JAK2: variants seen among roughly 807,000 people sequenced by gnomAD.
JAK2 encodes the protein Janus kinase 2.
In JAK2, 86 loss-of-function variants were observed where a neutral mutation model predicts 139.3. The ratio of observed to expected loss-of-function variants is 0.62; its 90% CI spans 0.52 to 0.74. The LOEUF (loss-of-function observed/expected upper bound fraction) is 0.74. Among genes scored for constraint, JAK2 ranks in the 30% least tolerant of loss-of-function variants. JAK2 has a pLI of 0.00. For missense variants in JAK2, 1,421 were observed against 1,360.3 expected (o/e 1.04, Z -0.70); for synonymous variants, 490 against 437.7 (o/e 1.12, Z -1.49).
intron 22 of JAK2, among the ~76,000 whole-genome samples, chr9:5,095,645 TTA>T (rs1820930455): frequency 6.6e-6 from 1 of 152,104 alleles, no homozygotes; most frequent in Non-Finnish European, 1.5e-5. Context: ...CCTATCTCAA[TTA>T]TATTTCAAAT....
chr9:5,015,998 G>T (rs1822033371), intron 2 of JAK2, among the ~76,000 whole-genome samples: 1 of 152,200 alleles, frequency 6.6e-6, no homozygotes. Context: ...TATGCTTGCT[G>T]GGTTTCCTGT....
At chr9:5,021,169 C>T (rs928547071) in intron 2 of JAK2, among the ~76,000 whole-genome samples, 4 of 152,064 alleles carry the variant, frequency 2.6e-5, no homozygotes, top group Non-Finnish European at 5.9e-5. Flanking sequence ...GCAGGCTGCC[C>T]CACTTCCCTC....
At chr9:5,112,064 C>T (rs367618490) in intron 22 of JAK2, 36 of 400,816 alleles carry the variant, frequency 9.0e-5, no homozygotes, top group East Asian at 7.6e-4. Flanking sequence ...GGGGTCTCCA[C>T]GGCCTGGAGA....
chr9:5,024,427 T>A (rs10974921), intron 3 of JAK2, among the ~76,000 whole-genome samples: 32,278 of 151,896 alleles, frequency 0.21, 4,334 homozygotes, highest in South Asian at 0.31. Flanking sequence ...GTGTTGGGGC[T>A]CTCATTCAGT....
At chr9:5,003,627 A>G (rs1275640264) in intron 2 of JAK2, among the ~76,000 whole-genome samples, 2 of 152,086 alleles carry the variant, frequency 1.3e-5, no homozygotes, top group East Asian at 3.8e-4. Context: ...AATTTCCTAC[A>G]TATACAGACA....
In JAK2 at chr9:4,999,765, T is replaced by A. The variant is rs1192148460; in HGVS notation, c.-26+13743T>A. On this transcript the variant is annotated intron_variant, in intron 2 of 24. Coordinates refer to ENST00000381652, the MANE Select transcript of JAK2 (RefSeq NM_004972.4). ...TGCCTGGTGTACATCATTTTTAATA[T>A]CTTTATAGTATTCTGTTGGCTAAGT... is the stretch of plus-strand genomic sequence containing the variant. Among the ~76,000 whole-genome samples, 3 of 152,332 alleles carry A rather than the reference T, an allele frequency of 2.0e-5. No individual in the cohort carries two copies. In the East Asian group the frequency reaches 5.8e-4, roughly 29 times the overall value.
intron 22 of JAK2, among the ~76,000 whole-genome samples, chr9:5,105,344 T>A (rs565325112): frequency 6.6e-6 from 1 of 152,208 alleles, no homozygotes; most frequent in Admixed American, 6.5e-5. Context: ...GAATCCAACT[T>A]ACAAGAGATG....
At chr9:5,047,185 C>A (rs1248381639) in intron 5 of JAK2, among the ~76,000 whole-genome samples, 2 of 152,052 alleles carry the variant, frequency 1.3e-5, no homozygotes, top group Non-Finnish European at 2.9e-5. Context: ...TAAGATTGTA[C>A]TGTTATCATT....
intron 22 of JAK2, chr9:5,112,558 G>A (rs1004331685): frequency 3.2e-6 from 2 of 625,994 alleles, no homozygotes; most frequent in Non-Finnish European, 5.6e-6. Context: ...GGCCAATAAC[G>A]CCAGGGAGCG....
intron 22 of JAK2, among the ~76,000 whole-genome samples, chr9:5,101,869 G>A (rs1821518921): frequency 6.6e-6 from 1 of 152,044 alleles, no homozygotes; most frequent in East Asian, 1.9e-4. Context: ...CAACAAAAAG[G>A]GCATCCACAC....
intron 5 of JAK2, among the ~76,000 whole-genome samples, chr9:5,046,792 G>T (rs946898020): frequency 7.8e-6 from 1 of 128,264 alleles, no homozygotes; most frequent in African/African-American, 4.9e-5. Flanking sequence ...ATAGCCTTTT[G>T]AAAACAGGAT....
At chr9:5,112,605 G>A in intron 22 of JAK2, 1 of 819,660 alleles carries the variant, frequency 1.2e-6, no homozygotes, top group Non-Finnish European at 1.9e-6. Context: ...AAGGAGCTGG[G>A]GCGCATGTGG....
At chr9:5,126,521 C>T in intron 24 of JAK2, 75 bp downstream of exon 24, 1 of 1,102,550 alleles carries the variant, frequency 9.1e-7, no homozygotes, top group Non-Finnish European at 1.3e-6. Context: ...AGTTCACTTC[C>T]TGAAATTTAA....
Position 5,127,779 on chromosome 9 carries a change from T to C in JAK2, c.*988T>C, listed in dbSNP as rs1824094253. 4.3e-6 allele frequency: 1 copy of C among 232,562 alleles called. No homozygotes were observed. The highest frequency in any genetic ancestry group is 6.0e-5 in the East Asian group (1 of 16,574). The allele number at this position is 232,562 out of a possible 1,614,324, so 14.4% of individuals were successfully genotyped here. On this transcript the variant is annotated 3_prime_UTR_variant, in exon 25 of 25. Transcript: ENST00000381652. ...TAAAAATGGATAGCTCATTAAGAAG[T>C]GCAGCAGGTTAAGAATTTTTTCCTA...
chr9:4,993,907 A>G (rs1244176647), intron 2 of JAK2, among the ~76,000 whole-genome samples: 1 of 152,106 alleles, frequency 6.6e-6, no homozygotes, highest in Non-Finnish European at 1.5e-5. Context: ...AAAGATGCAT[A>G]TGTTAGTGGA....
In JAK2 at chr9:5,044,466, A is replaced by G; in HGVS notation, c.414A>G (p.Arg138=). The G allele has an allele frequency of 1.2e-6, 2 of 1,613,292 alleles. No homozygotes were observed. The highest frequency in any genetic ancestry group is 2.7e-5 in the African/African-American group (2 of 75,022). ...GAGCCTATCGGCATGGAATATCTCG[A>G]GGTGCTGAAGCTCCTCTTCTTGATG... is the stretch of plus-strand genomic sequence containing the variant. The part of the protein sequence containing the change: ...SNRAYRHGIS[R]GAEAPLLDDF... The change falls in exon 5 of 25, where the codon CGA becomes CGG. Residue 138 remains arginine, a synonymous_variant. Transcript: ENST00000381652.
rs558775250 is a variant in JAK2 at position 5,054,303 on chromosome 9, C to A, written c.615-260C>A. On this transcript the variant is annotated intron_variant, in intron 6 of 24. Coordinates refer to ENST00000381652, the MANE Select transcript of JAK2 (RefSeq NM_004972.4). This position sits in a 1 kb window ranked among gnomAD's most constrained non-coding sequence, Gnocchi z 4.9. ...TATTAACTAGACTGAGGATTCATTTCATTAGGGGAAGAAGATTAACATCTT... is the reference window on the plus strand; with the variant it reads ...TATTAACTAGACTGAGGATTCATTTAATTAGGGGAAGAAGATTAACATCTT... Among the ~76,000 whole-genome samples, 17 of 152,074 alleles carry A rather than the reference C, an allele frequency of 1.1e-4. No individual in the cohort carries two copies. Among genetic ancestry groups the A allele is most frequent in the African/African-American group, 3.6e-4 (15 of 41,530 alleles).
At chr9:4,990,098 A>C (rs1387609780) in intron 2 of JAK2, among the ~76,000 whole-genome samples, 1 of 152,224 alleles carries the variant, frequency 6.6e-6, no homozygotes, top group Admixed American at 6.5e-5. Context: ...CAGATTGCAG[A>C]GATGTCACAA....
chr9:4,988,511 C>T (rs1283681213), intron 2 of JAK2, among the ~76,000 whole-genome samples: 5 of 152,114 alleles, frequency 3.3e-5, no homozygotes, highest in African/African-American at 4.8e-5. Flanking sequence ...CTGGGGGTGT[C>T]GTGAAAAATT....
Sources: gnomAD v4.1 joint callset for allele counts (sites outside exome capture counted in the v4.1 genomes callset) on GRCh38, gnomAD v4.1.1 for gene constraint, Gnocchi (gnomAD v3.1) non-coding constraint, MANE v1.5 for transcripts, NCBI Gene and HGNC (gene_info 2026-07-23, HGNC 2026-07-21) for gene names.